The following ASAP1 variants were observed in gnomAD, a reference collection of about 807,000 sequenced individuals.
The protein encoded by ASAP1 is ArfGAP with SH3 domain, ankyrin repeat and PH domain 1, also known as arf-GAP with SH3 domain, ANK repeat and PH domain-containing protein 1.
Under a neutral mutation model 145.2 loss-of-function variants are expected in ASAP1, and 43 were observed. The observed-to-expected ratio is 0.30, with a 90% confidence interval of 0.23 to 0.38. The LOEUF is 0.38. Ranked by LOEUF, ASAP1 falls within the 10% of genes least tolerant of loss-of-function variation. ASAP1 has a pLI of 1.00. For missense variants in ASAP1, 1,018 were observed against 1,355.3 expected (o/e 0.75, Z 3.91); for synonymous variants, 546 against 515.5 (o/e 1.06, Z -0.80).
intron 15 of ASAP1, among the ~76,000 whole-genome samples, chr8:130,131,377 T>A (rs1453411469): frequency 6.6e-6 from 1 of 152,094 alleles, no homozygotes; most frequent in Non-Finnish European, 1.5e-5. Context: ...AGTGAAGAAC[T>A]AAGGCTTCCC....
chr8:130,062,753 C>T (rs912286726), intron 27 of ASAP1, among the ~76,000 whole-genome samples: 4 of 152,146 alleles, frequency 2.6e-5, no homozygotes, highest in African/African-American at 9.7e-5. Context: ...GAGTGTTTGG[C>T]ACAGTACTGC....
chr8:130,175,130 G>A (rs2136130299), intron 9 of ASAP1, among the ~76,000 whole-genome samples: 1 of 152,280 alleles, frequency 6.6e-6, no homozygotes, highest in African/African-American at 2.4e-5. Flanking sequence ...CCCAGTGGGT[G>A]TGAAGTGCTA....
chr8:130,417,001 A>T (rs1192453120), intron 1 of ASAP1, among the ~76,000 whole-genome samples: 5 of 152,258 alleles, frequency 3.3e-5, no homozygotes, highest in Non-Finnish European at 7.3e-5. Context: ...ACATCTGTGT[A>T]CATTTGCATA....
chr8:130,341,463 C>T (rs1825378268), intron 3 of ASAP1, among the ~76,000 whole-genome samples: 1 of 152,174 alleles, frequency 6.6e-6, no homozygotes, highest in Admixed American at 6.5e-5. Context: ...CGGTTCTTTC[C>T]CTTCGGCAGT....
chr8:130,260,922 C>A (rs1420502134), intron 3 of ASAP1, among the ~76,000 whole-genome samples: 1 of 152,146 alleles, frequency 6.6e-6, no homozygotes, highest in Non-Finnish European at 1.5e-5. Flanking sequence ...GCTTTTCCCC[C>A]CCTCAAGATA....
intron 15 of ASAP1, among the ~76,000 whole-genome samples, chr8:130,130,523 T>C (rs2135759130): frequency 6.6e-6 from 1 of 152,320 alleles, no homozygotes; most frequent in East Asian, 1.9e-4. Flanking sequence ...CAGTGATCAT[T>C]TGTGACATTA....
At chr8:130,167,652 A>G (rs762447797) in intron 10 of ASAP1, 30 bp from the exon 11 acceptor site, 10 of 1,467,944 alleles carry the variant, frequency 6.8e-6, no homozygotes, top group Non-Finnish European at 9.5e-6. Context: ...TCTATTACTT[A>G]CCATTTACAC....
At chr8:130,091,003 G>A (rs1303252267) in intron 25 of ASAP1, among the ~76,000 whole-genome samples, 1 of 152,232 alleles carries the variant, frequency 6.6e-6, no homozygotes, top group Non-Finnish European at 1.5e-5. Context: ...CCAAGACCCT[G>A]TTTCGTGATG....
intron 3 of ASAP1, among the ~76,000 whole-genome samples, chr8:130,245,614 C>A (rs548939226): frequency 6.6e-6 from 1 of 152,288 alleles, no homozygotes; most frequent in South Asian, 2.1e-4. Context: ...AAAACTAGCT[C>A]GCAAAAGTCT....
At chr8:130,064,258 T>C (rs1315003541) in intron 27 of ASAP1, among the ~76,000 whole-genome samples, 1 of 152,160 alleles carries the variant, frequency 6.6e-6, no homozygotes, top group Non-Finnish European at 1.5e-5. Flanking sequence ...CATTTGATCC[T>C]AGCTGACAAC....
intron 27 of ASAP1, among the ~76,000 whole-genome samples, chr8:130,068,952 T>C (rs1217869822): frequency 1.3e-5 from 2 of 152,194 alleles, no homozygotes; most frequent in Non-Finnish European, 2.9e-5. Flanking sequence ...CTTATTAAAT[T>C]TGCTGTCTCA....
chr8:130,362,239 GGA>G (rs772894196), intron 2 of ASAP1, among the ~76,000 whole-genome samples: 1 of 152,142 alleles, frequency 6.6e-6, no homozygotes, highest in African/African-American at 2.4e-5. Flanking sequence ...CAGAGGTGGG[GGA>G]GTGTGGGTGG....
rs555237346 is a variant in ASAP1 at position 130,218,149 on chromosome 8, G to A, written c.260-3448C>T. On this transcript the variant is annotated intron_variant, in intron 4 of 29. Transcript: ENST00000518721. ...TCCCTCATGTGCTGGAGCTACTCCT[G>A]ATACCTTCTGTCTGAGGCCAAAGAG... Among the ~76,000 whole-genome samples the A allele has an allele frequency of 1.9e-4, 29 of 152,038 alleles. No homozygotes were observed. The South Asian group carries it at 2.5e-3, about 13-fold the overall frequency.
chr8:130,056,064 A>G lies in ASAP1; in HGVS notation c.3316-1259T>C, dbSNP rs180763669. Among the ~76,000 whole-genome samples the G allele has an allele frequency of 2.6e-5, 4 of 152,360 alleles. No homozygotes were observed. The East Asian group carries it at 7.7e-4, about 29-fold the overall frequency. The stretch of plus-strand genomic sequence containing the variant: ...CCCCGCAGGTATCTCTGCTGTAGTC[A>G]TCAGTTGCTTAGCAAAGAACATGAT... On this transcript the variant is annotated intron_variant, in intron 29 of 29. Coordinates refer to ENST00000518721, the MANE Select transcript of ASAP1 (RefSeq NM_018482.4).
At chr8:130,056,247 G>A (rs184066041) in intron 29 of ASAP1, among the ~76,000 whole-genome samples, 4 of 152,192 alleles carry the variant, frequency 2.6e-5, no homozygotes, top group Admixed American at 6.5e-5. Flanking sequence ...TGATTCACGT[G>A]GGGGGGCTTC....
At chr8:130,311,104 CA>C (rs952368453) in intron 3 of ASAP1, among the ~76,000 whole-genome samples, 2 of 152,158 alleles carry the variant, frequency 1.3e-5, no homozygotes, top group African/African-American at 4.8e-5. Context: ...GAAATGTGTG[CA>C]AAAGGAACAA....
intron 25 of ASAP1, among the ~76,000 whole-genome samples, chr8:130,090,136 C>A (rs2097502489): frequency 6.6e-6 from 1 of 152,182 alleles, no homozygotes; most frequent in African/African-American, 2.4e-5. Flanking sequence ...AGCTGCTAGT[C>A]TTGCTCTTGA....
At chr8:130,076,534 T>C in intron 26 of ASAP1, 128 bp from the exon 27 acceptor site, 2 of 705,058 alleles carry the variant, frequency 2.8e-6, no homozygotes, top group Admixed American at 3.0e-5. Flanking sequence ...AATTTCCTTT[T>C]TTTTTGAGAT....
At chr8:130,118,730 C>A in intron 18 of ASAP1, 55 bp from the exon 19 acceptor site, 1 of 1,224,638 alleles carries the variant, frequency 8.2e-7, no homozygotes, top group Non-Finnish European at 1.1e-6. Flanking sequence ...GAAAGGTTTA[C>A]ATTTTTCTGA....
Sources: gnomAD v4.1 joint callset for allele counts (sites outside exome capture counted in the v4.1 genomes callset) on GRCh38, gnomAD v4.1.1 for gene constraint, MANE v1.5 for transcripts, NCBI Gene and HGNC (gene_info 2026-07-23, HGNC 2026-07-21) for gene names.